ENDOV: variants seen among roughly 807,000 people sequenced by gnomAD.
The protein encoded by ENDOV is endonuclease V, also known as hEndoV.
Under a neutral mutation model 39.4 loss-of-function variants are expected in ENDOV, and 37 were observed. That is an observed-to-expected ratio of 0.94 (90% CI 0.72 to 1.23). The LOEUF is 1.23. Among genes scored for constraint, ENDOV ranks in the 50% most tolerant of loss-of-function variants. The pLI is 0.00. For missense variants in ENDOV, 441 were observed against 375.7 expected (o/e 1.17, Z -1.44); for synonymous variants, 186 against 163.4 (o/e 1.14, Z -1.05).
chr17:80,418,786 T>C (rs1432108882), intron 2 of ENDOV: 1 of 152,190 alleles, frequency 6.6e-6, no homozygotes, highest in Non-Finnish European at 1.5e-5. Flanking sequence ...GTAGTGATAT[T>C]GCACAACTCT....
In ENDOV at chr17:80,429,968, C is replaced by T. The variant is rs41301874; in HGVS notation, c.838+137C>T. 1.8e-3 allele frequency: 2,757 copies of T among 1,552,900 alleles called. 46 individuals are homozygous for T. In the African/African-American group the frequency reaches 0.033, roughly 18 times the overall value. ...AAGACAAGAAGGCCACCGGCCACCC[C>T]GTTCTGGCCTCAGGACACTGACCAC... On this transcript the variant is annotated intron_variant, in intron 9 of 9. Transcript: ENST00000518137.
At chr17:80,429,939 C>T (rs1209406143) in intron 9 of ENDOV, 108 bp downstream of exon 9, 2 of 1,592,334 alleles carry the variant, frequency 1.3e-6, no homozygotes, top group African/African-American at 2.7e-5. Flanking sequence ...AACTGGGCAC[C>T]ATGAAGACAA....
In ENDOV at chr17:80,425,119, G is replaced by A; in HGVS notation, c.585+19G>A. On this transcript the variant is annotated intron_variant, in intron 6 of 9. Transcript: ENST00000518137. The stretch of plus-strand genomic sequence containing the variant: ...GGGAATGGTGAGTAGCTAGGGCCCT[G>A]AGCTCCTCCAAAGCCCCGGGGTAGG... 6.3e-7 allele frequency: 1 copy of A among 1,597,660 alleles called. No homozygotes were observed. Among genetic ancestry groups the A allele is most frequent in the Non-Finnish European group, 8.5e-7 (1 of 1,171,388 alleles).
chr17:80,421,120 A>G (rs2081956033), intron 2 of ENDOV, among the ~76,000 whole-genome samples: 1 of 152,228 alleles, frequency 6.6e-6, no homozygotes, highest in African/African-American at 2.4e-5. Context: ...CTTCTGATGA[A>G]GACCAGGTCC....
intron 1 of ENDOV, 168 bp from the exon 2 acceptor site, chr17:80,415,482 T>G (rs879271460): frequency 3.7e-6 from 4 of 1,073,166 alleles, no homozygotes; most frequent in Non-Finnish European, 5.3e-6. Flanking sequence ...TGCGCGGGTC[T>G]CCGCCGCCTG....
chr17:80,435,763 C>G (rs1458814356), intron 9 of ENDOV, among the ~76,000 whole-genome samples: 1 of 151,720 alleles, frequency 6.6e-6, no homozygotes, highest in South Asian at 2.1e-4. Flanking sequence ...TACAGGCGCC[C>G]GCCACCACGC....
At chr17:80,418,248 T>C (rs756263407) in intron 2 of ENDOV, 1 of 152,200 alleles carries the variant, frequency 6.6e-6, no homozygotes, top group Non-Finnish European at 1.5e-5. Context: ...GCTCACAGAA[T>C]TGTGATGAGC....
intron 9 of ENDOV, among the ~76,000 whole-genome samples, chr17:80,435,654 G>A (rs1039568777): frequency 1.5e-4 from 23 of 151,862 alleles, no homozygotes; most frequent in East Asian, 5.8e-4. Context: ...TCGCTGTGTC[G>A]CCCAGGCTGG....
At chr17:80,420,886 A>AT (rs2081917947) in intron 2 of ENDOV, among the ~76,000 whole-genome samples, 1 of 152,200 alleles carries the variant, frequency 6.6e-6, no homozygotes, top group Admixed American at 6.5e-5. Flanking sequence ...CATGTTGGTC[A>AT]GGCTGGTCTT....
intron 4 of ENDOV, among the ~76,000 whole-genome samples, chr17:80,422,924 CT>C (rs1568224963): frequency 3.9e-4 from 59 of 152,278 alleles, no homozygotes; most frequent in African/African-American, 1.4e-3. Context: ...TGGTCTTGAT[CT>C]CCTGACCTCG....
intron 7 of ENDOV, among the ~76,000 whole-genome samples, chr17:80,426,814 G>A (rs142170632): frequency 3.7e-4 from 56 of 152,376 alleles, no homozygotes; most frequent in African/African-American, 1.3e-3. Context: ...CGGGGCGCCC[G>A]CAGATTGGCC....
In ENDOV at chr17:80,415,805, G is replaced by C; in HGVS notation, c.212G>C (p.Ser71Thr). The change falls in exon 2 of 10, where the codon AGC becomes ACC. Residue 71 changes from serine (S) to threonine (T), a missense_variant. By Grantham distance (58) the Ser-to-Thr change is moderately conservative. Coordinates refer to ENST00000518137, the MANE Select transcript of ENDOV (RefSeq NM_173627.5). ...GCTTGTGCTTCCCTGGTGGTGCTCA[G>C]CTTCCCTGAGCTCGAGGTAACCTGG... ...VRACASLVVL[S>T]FPELEVVYEE... is the part of the protein sequence containing the mutation. 1 of 1,596,536 alleles carries C rather than the reference G, an allele frequency of 6.3e-7. No homozygotes were observed.
intron 7 of ENDOV, among the ~76,000 whole-genome samples, chr17:80,425,862 C>G (rs1033310971): frequency 1.3e-5 from 2 of 152,194 alleles, no homozygotes; most frequent in African/African-American, 4.8e-5. Flanking sequence ...ACCCCATGCA[C>G]TCAGCCTCCC....
At chr17:80,421,782 G>A in intron 2 of ENDOV, 46 bp from the exon 3 acceptor site, 2 of 1,560,962 alleles carry the variant, frequency 1.3e-6, no homozygotes, top group Non-Finnish European at 8.7e-7. Context: ...GATGGAGCAG[G>A]TGGCCGAAGG....
At chr17:80,420,952 A>C (rs897753254) in intron 2 of ENDOV, among the ~76,000 whole-genome samples, 2 of 152,004 alleles carry the variant, frequency 1.3e-5, no homozygotes, top group African/African-American at 4.8e-5. Context: ...CTGGGATTAC[A>C]GGCGTGAGCC....
At chr17:80,423,479 A>AC in intron 4 of ENDOV, 41 bp from the exon 5 acceptor site, 10 of 782,872 alleles carry the variant, frequency 1.3e-5, no homozygotes, top group Non-Finnish European at 2.1e-5. Flanking sequence ...GCCAGGCCCC[A>AC]GCCCCACCTC....
At chr17:80,427,105 T>C (rs575207179) in intron 7 of ENDOV, among the ~76,000 whole-genome samples, 1 of 152,250 alleles carries the variant, frequency 6.6e-6, no homozygotes, top group African/African-American at 2.4e-5. Context: ...CCTGGGGAGC[T>C]GTGCTCAGTG....
chr17:80,422,069 C>A, intron 3 of ENDOV, 107 bp downstream of exon 3: 1 of 1,557,556 alleles, frequency 6.4e-7, no homozygotes, highest in Non-Finnish European at 8.7e-7. Context: ...GACTCATGAG[C>A]TTCCTGGAAG....
At chr17:80,419,013 T>TA (rs2081573596) in intron 2 of ENDOV, among the ~76,000 whole-genome samples, 1 of 150,754 alleles carries the variant, frequency 6.6e-6, no homozygotes. Context: ...CTACTAAAAA[T>TA]ACAAAAAAAA....
Sources: gnomAD v4.1 joint callset for allele counts (sites outside exome capture counted in the v4.1 genomes callset) on GRCh38, gnomAD v4.1.1 for gene constraint, MANE v1.5 for transcripts, NCBI Gene and HGNC (gene_info 2026-07-23, HGNC 2026-07-21) for gene names.